The following SP140 variants were observed in gnomAD, a reference collection of about 807,000 sequenced individuals.
SP140 encodes the protein SP140 nuclear body protein, also known as nuclear body protein SP140.
Under a neutral mutation model 125.0 loss-of-function variants are expected in SP140, and 81 were observed. The ratio of observed to expected loss-of-function variants is 0.65; its 90% confidence interval spans 0.54 to 0.78. The LOEUF (loss-of-function observed/expected upper bound fraction) is 0.78, where lower values mean the gene tolerates loss of function less well. Among genes scored for constraint, SP140 ranks in the 30% least tolerant of loss-of-function variants. SP140 has a pLI of 0.00. For missense variants in SP140, 858 were observed against 1,037.0 expected, an observed-to-expected ratio of 0.83 and a Z score of 2.37; for synonymous variants, 312 against 354.0, an observed-to-expected ratio of 0.88 and a Z score of 1.33.
At position 230,225,918 on chromosome 2, in the gene SP140, C is replaced by T. The variant is rs2046260155; in HGVS notation, c.59+15C>T. The T allele has an allele frequency of 6.2e-7, 1 of 1,610,162 alleles. No homozygotes were observed. The highest frequency in any genetic ancestry group is 1.3e-5 in the African/African-American group (1 of 74,832). On this transcript the variant is annotated intron_variant, in intron 1 of 26. Transcript: ENST00000392045. ...CTCAACTTCAGGTGGGTCATCGTCTCCTTTCCCGTCTGTCCTTCATCTCTG... is the reference window on the plus strand; with the variant it reads ...CTCAACTTCAGGTGGGTCATCGTCTTCTTTCCCGTCTGTCCTTCATCTCTG...
intron 12 of SP140, among the ~76,000 whole-genome samples, chr2:230,260,237 C>T (rs1381641286): frequency 6.6e-6 from 1 of 152,104 alleles, no homozygotes; most frequent in African/African-American, 2.4e-5. Flanking sequence ...ATTTGTATAT[C>T]TTCTTTTACG....
chr2:230,273,524 G>A (rs2149370688), intron 15 of SP140, among the ~76,000 whole-genome samples: 1 of 152,302 alleles, frequency 6.6e-6, no homozygotes, highest in South Asian at 2.1e-4. Context: ...CAACTATTGT[G>A]GAAGACAGTG....
the SP140 span, among the ~76,000 whole-genome samples, chr2:230,193,150 T>C: frequency 6.6e-6 from 1 of 152,204 alleles, no homozygotes; most frequent in Non-Finnish European, 1.5e-5. Flanking sequence ...AAGTCTGTTT[T>C]ATCTGATATG....
chr2:230,212,800 G>A lies in SP140; in HGVS notation c.-322-854G>A, dbSNP rs199978387. ...CCTTCCTGGATGAGTGCAGGGAGAGGCAGGACAGGGTCAGATGGGCTGGGC... is the reference window on the plus strand; with the variant it reads ...CCTTCCTGGATGAGTGCAGGGAGAGACAGGACAGGGTCAGATGGGCTGGGC... On this transcript the variant is annotated intron_variant, in intron 1 of 4. Transcript: ENST00000456542. 214 of 1,614,158 alleles carry A rather than the reference G, an allele frequency of 1.3e-4. 1 individual carries two copies. In the Middle Eastern group the frequency reaches 3.5e-3, roughly 26 times the overall value.
At chr2:230,252,246 G>C (rs2050480650) in intron 10 of SP140, among the ~76,000 whole-genome samples, 1 of 151,960 alleles carries the variant, frequency 6.6e-6, no homozygotes, top group Non-Finnish European at 1.5e-5. Context: ...CACTGAAGGA[G>C]AAAGAGACAG....
At chr2:230,255,306 C>T (rs1336764787) in intron 11 of SP140, 146 bp from the exon 12 acceptor site, 8 of 830,060 alleles carry the variant, frequency 9.6e-6, no homozygotes, top group Non-Finnish European at 1.3e-5. Flanking sequence ...CCAGGTGAAC[C>T]CACAGGGCAG....
At chr2:230,272,858 C>T (rs1327551148) in intron 15 of SP140, among the ~76,000 whole-genome samples, 2 of 152,132 alleles carry the variant, frequency 1.3e-5, no homozygotes, top group Admixed American at 6.5e-5. Context: ...ATTCCTTATT[C>T]AGTAAATGGT....
At chr2:230,231,588 T>C (rs189938162) in intron 1 of SP140, among the ~76,000 whole-genome samples, 1 of 151,924 alleles carries the variant, frequency 6.6e-6, no homozygotes, top group East Asian at 1.9e-4. Flanking sequence ...AGGAACCCTG[T>C]TGATGGAATG....
At position 230,287,753 on chromosome 2, in the gene SP140, G is replaced by A. The variant is rs2056573461; in HGVS notation, c.1646-139G>A. 4.6e-5 allele frequency: 29 copies of A among 629,842 alleles called. No individual in the cohort carries two copies. The South Asian group carries it at 8.9e-4, about 19-fold the overall frequency. 39.0% of individuals were successfully genotyped at this position (629,842 alleles called of 1,614,324 possible). Reference sequence around the variant, plus strand: ...GCTATCTAATTCTTCATACCTTAAAGGCTAGGGTTTAAATCTTTTTATTTA... The same window carrying A: ...GCTATCTAATTCTTCATACCTTAAAAGCTAGGGTTTAAATCTTTTTATTTA... On this transcript the variant is annotated intron_variant, in intron 17 of 26. Transcript: ENST00000392045.
At chr2:230,233,079 A>G (rs950169265) in intron 1 of SP140, among the ~76,000 whole-genome samples, 2 of 151,938 alleles carry the variant, frequency 1.3e-5, no homozygotes, top group Non-Finnish European at 2.9e-5. Context: ...TTGCTTATGG[A>G]TTTTTTATTT....
chr2:230,274,111 TAA>T (rs34151475), intron 15 of SP140, among the ~76,000 whole-genome samples: 39,953 of 141,580 alleles, frequency 0.28, 6,139 homozygotes, highest in Non-Finnish European at 0.37. Flanking sequence ...ACTTAAAGTA[TAA>T]AAAAAAAAAA....
At chr2:230,292,231 C>T (rs1157753863) in intron 19 of SP140, among the ~76,000 whole-genome samples, 2 of 152,140 alleles carry the variant, frequency 1.3e-5, no homozygotes, top group African/African-American at 4.8e-5. Context: ...CATCTGAGAC[C>T]GTAGCCCCAA....
At chr2:230,208,186 G>T (rs769041168) in intron 1 of SP140, 1 of 655,260 alleles carries the variant, frequency 1.5e-6, no homozygotes, top group Non-Finnish European at 2.7e-6. Flanking sequence ...GACCTTAGGT[G>T]ATGGTACTTC....
rs765460715 is a variant in SP140 at position 230,241,445 on chromosome 2, G to T, written c.448G>T (p.Asp150Tyr). ...HSPLQMNNVN[D>Y]LEDRPRLLPY... ...ACCTCTCCAAATGAATAATGTAAAC[G>T]ATTTAGAAGATAGACCCAGATTACT... Residue 150 changes from aspartate (D) to tyrosine (Y), a missense_variant, in exon 4 of 27, where the codon GAT (aspartate) becomes TAT (tyrosine). Transcript: ENST00000392045. 6.3e-7 allele frequency: 1 copy of T among 1,596,100 alleles called. No individual in the cohort carries two copies. The highest frequency in any genetic ancestry group is 8.6e-7 in the Non-Finnish European group (1 of 1,163,674).
the SP140 span, among the ~76,000 whole-genome samples, chr2:230,188,126 A>G: frequency 6.6e-6 from 1 of 152,086 alleles, no homozygotes; most frequent in African/African-American, 2.4e-5. Context: ...TGAACATGGG[A>G]TGTGTTTCTA....
At chr2:230,252,700 CTG>C (rs1453351877) in intron 10 of SP140, among the ~76,000 whole-genome samples, 1 of 152,098 alleles carries the variant, frequency 6.6e-6, no homozygotes, top group Non-Finnish European at 1.5e-5. Flanking sequence ...CTATTTTAGA[CTG>C]AGAAATAAAG....
intron 15 of SP140, among the ~76,000 whole-genome samples, chr2:230,281,363 C>A (rs2055514826): frequency 6.6e-6 from 1 of 152,192 alleles, no homozygotes; most frequent in Non-Finnish European, 1.5e-5. Context: ...CCCTCAACTA[C>A]GTCAGAATGT....
rs1051418911 is a variant in SP140, at chr2:230,288,489, C to T, written c.1720+523C>T. 2.3e-4 allele frequency among the ~76,000 whole-genome samples: 27 copies of T among 116,406 alleles called. No individual in the cohort carries two copies. In the South Asian group the frequency reaches 4.7e-3, roughly 20 times the overall value. The allele number at this position is 116,406 out of a possible 152,430, so 76.4% of individuals were successfully genotyped here. A position where few individuals can be genotyped will look rare whatever the true frequency, so the allele number is the denominator to read the frequency against. On this transcript the variant is annotated intron_variant, in intron 18 of 26. Coordinates refer to ENST00000392045, the MANE Select transcript of SP140 (RefSeq NM_007237.5). Reference sequence around the variant, plus strand: ...TCTTTCTTTCTTTCTTTCTTTCTTTCTTTCTTTCTTTCTTTCTTTCTTTCT... The same window carrying T: ...TCTTTCTTTCTTTCTTTCTTTCTTTTTTTCTTTCTTTCTTTCTTTCTTTCT...
Position 230,241,502 on chromosome 2 carries a change from G to A in SP140, c.490+15G>A. On this transcript the variant is annotated intron_variant, in intron 4 of 26. Transcript: ENST00000392045. The stretch of plus-strand genomic sequence containing the variant: ...TGGTAAACAAGGTAACTATCATTTA[G>A]CTGATCAATGCCCTTATTAAAGTTT... 1 of 1,398,678 alleles carries A rather than the reference G, an allele frequency of 7.1e-7. No individual in the cohort carries two copies. The highest frequency in any genetic ancestry group is 2.3e-5 in the East Asian group (1 of 43,826). 86.6% of individuals were successfully genotyped at this position (1,398,678 alleles called of 1,614,324 possible).
Sources: allele counts gnomAD v4.1 joint callset (sites outside exome capture counted in the v4.1 genomes callset), GRCh38; gene constraint gnomAD v4.1.1; transcripts MANE v1.5; gene names NCBI Gene and HGNC (gene_info 2026-07-23, HGNC 2026-07-21).